BCL2L1: variants seen among roughly 807,000 people sequenced by gnomAD.
BCL2L1 encodes BCL2 like 1, also known as bcl-2-like protein 1.
In BCL2L1, 1 loss-of-function variant was observed where a neutral mutation model predicts 18.7. The ratio of observed to expected loss-of-function variants is 0.05; its 90% CI spans 0.02 to 0.25. The LOEUF is 0.25. Among genes scored for constraint, BCL2L1 ranks in the 10% least tolerant of loss-of-function variants. The pLI is 1.00. For missense variants in BCL2L1, 207 were observed against 304.9 expected, an observed-to-expected ratio of 0.68 and a Z score of 2.39; for synonymous variants, 103 against 122.7, an observed-to-expected ratio of 0.84 and a Z score of 1.06.
At chr20:31,696,652 C>A (rs2061175533) in intron 2 of BCL2L1, among the ~76,000 whole-genome samples, 1 of 152,178 alleles carries the variant, frequency 6.6e-6, no homozygotes. Flanking sequence ...CTGGCTAACG[C>A]CTGTAATCGC....
chr20:31,717,102 A>G (rs2061548782), intron 2 of BCL2L1, among the ~76,000 whole-genome samples: 1 of 152,190 alleles, frequency 6.6e-6, no homozygotes, highest in South Asian at 2.1e-4. Flanking sequence ...GCAGTAGGAG[A>G]TTATACTTCC....
intron 2 of BCL2L1, among the ~76,000 whole-genome samples, chr20:31,673,780 T>C (rs1040531810): frequency 2.0e-5 from 3 of 152,246 alleles, no homozygotes; most frequent in Non-Finnish European, 4.4e-5. Flanking sequence ...CTAGGCCATA[T>C]TTCCCAATTA....
At chr20:31,673,628 G>A (rs1255340481) in intron 2 of BCL2L1, among the ~76,000 whole-genome samples, 1 of 152,070 alleles carries the variant, frequency 6.6e-6, no homozygotes, top group Non-Finnish European at 1.5e-5. Context: ...TCCAGCCTGG[G>A]CAACAGAGTG....
At chr20:31,715,954 A>C (rs1600929966) in intron 2 of BCL2L1, among the ~76,000 whole-genome samples, 1 of 150,956 alleles carries the variant, frequency 6.6e-6, no homozygotes, top group Non-Finnish European at 1.5e-5. Flanking sequence ...ACCTCAGTAC[A>C]CCCCCTCAAC....
intron 2 of BCL2L1, among the ~76,000 whole-genome samples, chr20:31,684,255 A>G (rs1485785205): frequency 6.6e-6 from 1 of 152,222 alleles, no homozygotes; most frequent in Non-Finnish European, 1.5e-5. Flanking sequence ...CCTCCCTAGC[A>G]AGGCATAGAG....
At chr20:31,687,755 C>T (rs2060987231) in intron 2 of BCL2L1, among the ~76,000 whole-genome samples, 1 of 151,880 alleles carries the variant, frequency 6.6e-6, no homozygotes, top group Non-Finnish European at 1.5e-5. Context: ...AGACCAGAGA[C>T]CTCTGATCAG....
At position 31,667,484 on chromosome 20, in the gene BCL2L1, C is replaced by CGTGTGTGTGTGT. The variant is rs3073682; in HGVS notation, c.565-1410_565-1399dup. ...AAAAAAAAAGGAAGTACCATAGTAC[C>CGTGTGTGTGTGT]GTGTGTGTGTGTGTGTGTGTGTGTG... On this transcript the variant is annotated intron_variant, in intron 2 of 2. Transcript: ENST00000307677. 8.0e-3 allele frequency among the ~76,000 whole-genome samples: 1,082 copies of CGTGTGTGTGTGT among 135,316 alleles called. 22 individuals are homozygous for CGTGTGTGTGTGT. Among genetic ancestry groups the CGTGTGTGTGTGT allele is most frequent in the African/African-American group, 0.027 (867 of 32,708 alleles). The allele number at this position is 135,316 out of a possible 152,430, so 88.8% of individuals were successfully genotyped here.
At chr20:31,696,015 A>G (rs1447639076) in intron 2 of BCL2L1, among the ~76,000 whole-genome samples, 4 of 152,116 alleles carry the variant, frequency 2.6e-5, no homozygotes, top group Non-Finnish European at 1.5e-5. Context: ...CCTGGGCTCA[A>G]GCAATACTCC....
chr20:31,719,197 C>T (rs1032113820), intron 2 of BCL2L1, among the ~76,000 whole-genome samples: 1 of 152,202 alleles, frequency 6.6e-6, no homozygotes, highest in South Asian at 2.1e-4. Flanking sequence ...ACAGTAGATG[C>T]TCAAGAAACA....
chr20:31,689,924 G>A (rs2061032453), intron 2 of BCL2L1, among the ~76,000 whole-genome samples: 1 of 152,246 alleles, frequency 6.6e-6, no homozygotes, highest in African/African-American at 2.4e-5. Context: ...GGCTGAGGCA[G>A]GAGAATTGCT....
chr20:31,692,305 G>C (rs1187739579), intron 2 of BCL2L1, among the ~76,000 whole-genome samples: 1 of 152,188 alleles, frequency 6.6e-6, no homozygotes, highest in South Asian at 2.1e-4. Context: ...CAAAAACAAG[G>C]GGACAACCCA....
intron 2 of BCL2L1, among the ~76,000 whole-genome samples, chr20:31,672,178 G>A (rs1051720154): frequency 4.6e-5 from 7 of 151,754 alleles, no homozygotes; most frequent in Non-Finnish European, 1.0e-4. Context: ...GAGAATATCT[G>A]GGGGAGCCGG....
chr20:31,717,117 A>T (rs1173484725), intron 2 of BCL2L1, among the ~76,000 whole-genome samples: 1 of 152,216 alleles, frequency 6.6e-6, no homozygotes, highest in East Asian at 1.9e-4. Flanking sequence ...ACTTCCGTAG[A>T]AAAGCAGTAC....
intron 2 of BCL2L1, among the ~76,000 whole-genome samples, chr20:31,674,333 T>C (rs758991147): frequency 6.6e-6 from 1 of 152,190 alleles, no homozygotes; most frequent in Non-Finnish European, 1.5e-5. Context: ...ATATAGCTGA[T>C]GGATATGTGG....
intron 2 of BCL2L1, among the ~76,000 whole-genome samples, chr20:31,698,664 G>A (rs573545712): frequency 1.3e-5 from 2 of 151,966 alleles, no homozygotes; most frequent in Admixed American, 6.6e-5. Flanking sequence ...TCAGCCTCCC[G>A]AGTAGCTGGG....
chr20:31,683,904 A>G (rs2060910547), intron 2 of BCL2L1, among the ~76,000 whole-genome samples: 2 of 152,114 alleles, frequency 1.3e-5, no homozygotes, highest in African/African-American at 4.8e-5. Flanking sequence ...AAATAAATGC[A>G]ATGAAAAGGC....
At chr20:31,691,548 A>C (rs2061075855) in intron 2 of BCL2L1, among the ~76,000 whole-genome samples, 1 of 151,224 alleles carries the variant, frequency 6.6e-6, no homozygotes, top group South Asian at 2.1e-4. Context: ...AATAAAATAA[A>C]ATAAAATAAA....
intron 2 of BCL2L1, among the ~76,000 whole-genome samples, chr20:31,668,270 C>A (rs748952297): frequency 5.3e-5 from 8 of 151,898 alleles, no homozygotes; most frequent in Non-Finnish European, 8.8e-5. Context: ...AAACAGTACA[C>A]CACCCCCGTC....
intron 2 of BCL2L1, among the ~76,000 whole-genome samples, chr20:31,683,262 C>T (rs368182157): frequency 1.3e-5 from 2 of 152,194 alleles, no homozygotes; most frequent in African/African-American, 4.8e-5. Flanking sequence ...CACACCATTC[C>T]CACCCTTTGG....
Sources: allele counts gnomAD v4.1 joint callset (sites outside exome capture counted in the v4.1 genomes callset), GRCh38; gene constraint gnomAD v4.1.1; transcripts MANE v1.5; gene names NCBI Gene and HGNC (gene_info 2026-07-23, HGNC 2026-07-21).